SPRED2: variants seen among roughly 807,000 people sequenced by gnomAD.
SPRED2 encodes the protein sprouty-related, EVH1 domain-containing protein 2.
In SPRED2, 47 loss-of-function variants were observed where a neutral mutation model predicts 43.0. The ratio of observed to expected loss-of-function variants is 1.09; its 90% CI spans 0.87 to 1.40. SPRED2 has a LOEUF of 1.40. Ranked by LOEUF, SPRED2 falls within the 40% of genes most tolerant of loss-of-function variation. The pLI, the probability that SPRED2 is intolerant of heterozygous loss-of-function variation, is 0.00. For synonymous variants in SPRED2, 225 were observed against 225.7 expected (o/e 1.00, Z 0.03); for missense variants, 561 against 586.4 (o/e 0.96, Z 0.45).
At chr2:65,341,914 A>G (rs963238231) in intron 2 of SPRED2, among the ~76,000 whole-genome samples, 7 of 152,058 alleles carry the variant, frequency 4.6e-5, no homozygotes, top group African/African-American at 1.4e-4. Flanking sequence ...AAATTTCTAT[A>G]TATATAAAAA....
At chr2:65,406,294 T>A (rs1004717952) in intron 1 of SPRED2, among the ~76,000 whole-genome samples, 2 of 152,118 alleles carry the variant, frequency 1.3e-5, no homozygotes, top group African/African-American at 4.8e-5. Context: ...CACCCAAACT[T>A]ACCATCCACC....
At chr2:65,370,076 G>A (rs1675087888) in intron 1 of SPRED2, among the ~76,000 whole-genome samples, 2 of 152,232 alleles carry the variant, frequency 1.3e-5, no homozygotes, top group Admixed American at 6.5e-5. Flanking sequence ...TGCAGGTACT[G>A]TAGGCTGACT....
In SPRED2 at chr2:65,313,908, C is replaced by T. The variant is rs574194772; in HGVS notation, c.850G>A (p.Gly284Arg). ...GGCTGCGTCTTGATCACGCTGCCCCCGCGGCCTTTGGGGTCCTCGCCTAGG... is the reference window on the plus strand; with the variant it reads ...GGCTGCGTCTTGATCACGCTGCCCCTGCGGCCTTTGGGGTCCTCGCCTAGG... Reference protein sequence around the residue: ...FGLGEDPKGRGGSVIKTQPSR... With the variant: ...FGLGEDPKGRRGSVIKTQPSR... Residue 284 changes from glycine to arginine, a missense_variant, in exon 6 of 6, where the codon GGG (glycine) becomes AGG (arginine). Transcript: ENST00000356388. The T allele has an allele frequency of 6.2e-6, 10 of 1,610,434 alleles. No homozygotes were observed. Among genetic ancestry groups the T allele is most frequent in the Non-Finnish European group, 6.8e-6 (8 of 1,179,924 alleles).
chr2:65,357,857 A>T (rs1321734746), intron 1 of SPRED2, among the ~76,000 whole-genome samples: 1 of 152,200 alleles, frequency 6.6e-6, no homozygotes, highest in Non-Finnish European at 1.5e-5. Flanking sequence ...ATCTTCTCAC[A>T]ACCGGGTGAG....
chr2:65,393,326 C>CT (rs55696467), intron 1 of SPRED2, among the ~76,000 whole-genome samples: 63,424 of 141,584 alleles, frequency 0.45, 15,166 homozygotes, highest in African/African-American at 0.66. Context: ...AATCATAAGG[C>CT]TTTTTTTTTT....
At chr2:65,401,973 A>ACACACACACACC (rs770117392) in intron 1 of SPRED2, among the ~76,000 whole-genome samples, 4 of 148,352 alleles carry the variant, frequency 2.7e-5, no homozygotes, top group Non-Finnish European at 5.9e-5. Context: ...ACACACACAC[A>ACACACACACACC]CCTGTTAATT....
At chr2:65,408,867 C>G (rs993420482) in intron 1 of SPRED2, among the ~76,000 whole-genome samples, 2 of 152,214 alleles carry the variant, frequency 1.3e-5, no homozygotes, top group Admixed American at 1.3e-4. Flanking sequence ...GCGTGAGCCA[C>G]TGCACCTGGC....
chr2:65,406,547 T>A (rs1390785078), intron 1 of SPRED2, among the ~76,000 whole-genome samples: 3 of 152,216 alleles, frequency 2.0e-5, no homozygotes, highest in Admixed American at 1.3e-4. Flanking sequence ...AGTTGGTCAT[T>A]ATACTCTTCG....
intron 1 of SPRED2, among the ~76,000 whole-genome samples, chr2:65,401,937 G>GCGCACGCACACACA (rs776512353): frequency 3.5e-5 from 4 of 114,714 alleles, no homozygotes; most frequent in East Asian, 2.2e-4. Flanking sequence ...GCGCGCGCGC[G>GCGCACGCACACACA]CACACACACA....
intron 1 of SPRED2, among the ~76,000 whole-genome samples, chr2:65,422,025 G>C (rs78877131): frequency 0.034 from 5,084 of 151,328 alleles, 112 homozygotes; most frequent in South Asian, 0.061. Context: ...GTGGACACTT[G>C]ACGGTTGGAC....
chr2:65,416,380 G>A (rs1010345879), intron 1 of SPRED2, among the ~76,000 whole-genome samples: 2 of 152,158 alleles, frequency 1.3e-5, no homozygotes, highest in African/African-American at 4.8e-5. Flanking sequence ...GCCCAGGGAC[G>A]GGATGGGAAA....
chr2:65,311,999 C>G lies in SPRED2; in HGVS notation c.*1502G>C. 1.0e-6 allele frequency: 1 copy of G among 985,180 alleles called. No individual in the cohort carries two copies. Among genetic ancestry groups the G allele is most frequent in the Non-Finnish European group, 1.2e-6 (1 of 829,776 alleles). 61.0% of individuals were successfully genotyped at this position (985,180 alleles called of 1,614,324 possible). A position where few individuals can be genotyped will look rare whatever the true frequency, so the allele number is the denominator to read the frequency against. ...CACAGAAAGATCGTGGCGGGAAGAACAGCCGGCGTCCGCAAGCCTGTCCCC... is the reference window on the plus strand; with the variant it reads ...CACAGAAAGATCGTGGCGGGAAGAAGAGCCGGCGTCCGCAAGCCTGTCCCC... On this transcript the variant is annotated 3_prime_UTR_variant, in exon 6 of 6. Transcript: ENST00000356388.
Position 65,313,403 on chromosome 2 carries a change from G to A in SPRED2, c.*98C>T. On this transcript the variant is annotated 3_prime_UTR_variant, in exon 6 of 6. Coordinates refer to ENST00000356388, the MANE Select transcript of SPRED2 (RefSeq NM_181784.3). ...AGCTGGGAGGCCGCTTGCCCTCCTC[G>A]CTCCTTGGAGTGGAAGGGAGCGGGG... 3 of 1,505,998 alleles carry A rather than the reference G, an allele frequency of 2.0e-6. No individual in the cohort carries two copies. The highest frequency in any genetic ancestry group is 2.6e-6 in the Non-Finnish European group (3 of 1,133,924). The allele number at this position is 1,505,998 out of a possible 1,614,324, so 93.3% of individuals were successfully genotyped here.
intron 2 of SPRED2, 127 bp from the exon 3 acceptor site, chr2:65,334,900 T>G: frequency 2.3e-6 from 2 of 875,894 alleles, no homozygotes; most frequent in Non-Finnish European, 3.6e-6. Flanking sequence ...TGCCTTCACA[T>G]ATCTGTGAGT....
At chr2:65,373,128 C>A (rs1675168155) in intron 1 of SPRED2, among the ~76,000 whole-genome samples, 2 of 152,192 alleles carry the variant, frequency 1.3e-5, no homozygotes, top group Non-Finnish European at 2.9e-5. Context: ...AGTTAGAAAT[C>A]TTGCAAATTT....
intron 1 of SPRED2, among the ~76,000 whole-genome samples, chr2:65,410,525 C>T (rs1046574391): frequency 1.5e-4 from 23 of 152,030 alleles, no homozygotes; most frequent in African/African-American, 5.6e-4. Context: ...TTTGGGAGGC[C>T]GAGGCGGGCG....
chr2:65,372,929 A>G (rs1182214790), intron 1 of SPRED2, among the ~76,000 whole-genome samples: 1 of 152,210 alleles, frequency 6.6e-6, no homozygotes, highest in African/African-American at 2.4e-5. Flanking sequence ...AAGCAGAGAA[A>G]TCTATTACTC....
At chr2:65,374,681 G>A (rs1675199036) in intron 1 of SPRED2, among the ~76,000 whole-genome samples, 1 of 152,144 alleles carries the variant, frequency 6.6e-6, no homozygotes, top group South Asian at 2.1e-4. Context: ...ATTCTTCCTG[G>A]CTCTGCCACA....
chr2:65,428,449 C>A (rs1676605326), intron 1 of SPRED2, among the ~76,000 whole-genome samples: 1 of 152,196 alleles, frequency 6.6e-6, no homozygotes, highest in African/African-American at 2.4e-5. Flanking sequence ...GCAGACAATT[C>A]AGGCAGAGTG....
Sources: gnomAD v4.1 joint callset for allele counts (sites outside exome capture counted in the v4.1 genomes callset) on GRCh38, gnomAD v4.1.1 for gene constraint, MANE v1.5 for transcripts, NCBI Gene and HGNC (gene_info 2026-07-23, HGNC 2026-07-21) for gene names.